Variants in ARHGAP24 observed in about 807,000 individuals in gnomAD.
ARHGAP24 encodes Rho GTPase activating protein 24.
A neutral mutation model predicts 76.4 loss-of-function variants in ARHGAP24; 50 were observed. The ratio of observed to expected loss-of-function variants is 0.65; its 90% CI spans 0.52 to 0.83. The LOEUF (loss-of-function observed/expected upper bound fraction) is 0.83, where lower values mean the gene tolerates loss of function less well. ARHGAP24 is among the 40% of genes least tolerant of loss of function. The probability of loss-of-function intolerance (pLI) is 0.00; values close to 1 mark genes in which losing one functional copy is unlikely to be tolerated. For synonymous variants in ARHGAP24, 345 were observed against 323.3 expected, an observed-to-expected ratio of 1.07 and a Z score of -0.72; for missense variants, 930 against 914.2, an observed-to-expected ratio of 1.02 and a Z score of -0.22.
At chr4:85,734,771 G>C (rs1051163423) in intron 3 of ARHGAP24, among the ~76,000 whole-genome samples, 1 of 150,926 alleles carries the variant, frequency 6.6e-6, no homozygotes, top group Non-Finnish European at 1.5e-5. Context: ...ATTTGGCTCT[G>C]ATCTCTGGGC....
rs147414110 is a variant in ARHGAP24, at chr4:85,928,333, G to A, written c.391+4563G>A. Among the ~76,000 whole-genome samples, 5 of 142,414 alleles carry A rather than the reference G, an allele frequency of 3.5e-5. No individual in the cohort carries two copies. The South Asian group carries it at 8.8e-4, about 25-fold the overall frequency. The allele number at this position is 142,414 out of a possible 152,430, so 93.4% of individuals were successfully genotyped here. A position where few individuals can be genotyped will look rare whatever the true frequency, so the allele number is the denominator to read the frequency against. On this transcript the variant is annotated intron_variant, in intron 4 of 9. Transcript: ENST00000395184. The stretch of plus-strand genomic sequence containing the variant: ...CCTCCTCCTTCCCTCCTTTCCTCCC[G>A]TCCTTCCTTGTGTATTTTTATACTG...
intron 3 of ARHGAP24, among the ~76,000 whole-genome samples, chr4:85,746,556 G>A (rs1726045766): frequency 6.6e-6 from 1 of 151,874 alleles, no homozygotes; most frequent in Admixed American, 6.6e-5. Flanking sequence ...TGATGTCCTT[G>A]GAGGCAGGGG....
At chr4:85,669,494 A>T (rs1273678341) in intron 2 of ARHGAP24, among the ~76,000 whole-genome samples, 1 of 151,746 alleles carries the variant, frequency 6.6e-6, no homozygotes, top group African/African-American at 2.4e-5. Context: ...AAGCGCTGTT[A>T]AAAAGAAGAA....
intron 1 of ARHGAP24, among the ~76,000 whole-genome samples, chr4:85,484,067 C>T (rs1722925675): frequency 6.6e-6 from 1 of 152,170 alleles, no homozygotes; most frequent in African/African-American, 2.4e-5. Context: ...GGATGCTGTC[C>T]AGTGTTTGTG....
At chr4:85,874,113 G>T (rs1051879891) in intron 3 of ARHGAP24, among the ~76,000 whole-genome samples, 17 of 152,096 alleles carry the variant, frequency 1.1e-4, no homozygotes, top group African/African-American at 3.9e-4. Flanking sequence ...CCAAAACCTA[G>T]AGCAGTTTAA....
At chr4:85,951,641 T>C (rs1022505274) in intron 5 of ARHGAP24, among the ~76,000 whole-genome samples, 1 of 152,216 alleles carries the variant, frequency 6.6e-6, no homozygotes, top group Non-Finnish European at 1.5e-5. Flanking sequence ...TTTGAATAGA[T>C]ATTAAGTTGT....
At chr4:85,691,245 T>G (rs1723644890) in intron 2 of ARHGAP24, among the ~76,000 whole-genome samples, 1 of 152,186 alleles carries the variant, frequency 6.6e-6, no homozygotes, top group African/African-American at 2.4e-5. Flanking sequence ...TAAAATGTAT[T>G]GAGACTTTCT....
chr4:85,718,448 T>C (rs1414432653), intron 2 of ARHGAP24, among the ~76,000 whole-genome samples: 2 of 152,076 alleles, frequency 1.3e-5, no homozygotes, highest in African/African-American at 4.8e-5. Context: ...TGGTTATCTG[T>C]AGTGGGTAAA....
chr4:85,671,542 G>C (rs1247742240), intron 2 of ARHGAP24, among the ~76,000 whole-genome samples: 1 of 152,168 alleles, frequency 6.6e-6, no homozygotes. Flanking sequence ...GTTTGTGGTT[G>C]AAGAAGACAG....
rs140903497 is a variant in ARHGAP24, at chr4:85,687,342, T to C, written c.181-34543T>C. 5.4e-3 allele frequency among the ~76,000 whole-genome samples: 824 copies of C among 152,252 alleles called. 7 individuals are homozygous for C. Among genetic ancestry groups the C allele is most frequent in the African/African-American group, 0.019 (779 of 41,528 alleles). ...TTTGCTCCATGGGTATATTACATGA[T>C]GCTGGGGTTTGAGGCATGGATCCTA... On this transcript the variant is annotated intron_variant, in intron 2 of 9. Coordinates refer to ENST00000395184, the MANE Select transcript of ARHGAP24 (RefSeq NM_001025616.3).
intron 2 of ARHGAP24, among the ~76,000 whole-genome samples, chr4:85,586,181 G>A (rs1440027097): frequency 6.6e-6 from 1 of 151,820 alleles, no homozygotes; most frequent in Non-Finnish European, 1.5e-5. Flanking sequence ...GCTATGGTGA[G>A]GCATTACATC....
chr4:85,740,146 G>A (rs929095270), intron 3 of ARHGAP24, among the ~76,000 whole-genome samples: 1 of 151,450 alleles, frequency 6.6e-6, no homozygotes, highest in African/African-American at 2.4e-5. Context: ...CTATTTAAAT[G>A]CTTTCTTCTC....
intron 2 of ARHGAP24, among the ~76,000 whole-genome samples, chr4:85,660,908 A>G (rs1722359143): frequency 6.6e-6 from 1 of 150,662 alleles, no homozygotes. Flanking sequence ...TGGTATTTTG[A>G]GACTTTCAGT....
rs533201793 is a variant in ARHGAP24 at position 85,565,338 on chromosome 4, C to T, written c.-20-5184C>T. ...GTGACAATTGGTTGTGACCAAATTTCTTCTCAAAGTCCCACAAATCTCTCA... is the reference window on the plus strand; with the variant it reads ...GTGACAATTGGTTGTGACCAAATTTTTTCTCAAAGTCCCACAAATCTCTCA... On this transcript the variant is annotated intron_variant, in intron 1 of 9. Transcript: ENST00000395184. Among the ~76,000 whole-genome samples the T allele has an allele frequency of 7.9e-5, 12 of 152,208 alleles. No individual in the cohort carries two copies. In the East Asian group the frequency reaches 2.1e-3, roughly 27 times the overall value.
chr4:85,733,413 G>A (rs1056153502), intron 3 of ARHGAP24, among the ~76,000 whole-genome samples: 10 of 152,170 alleles, frequency 6.6e-5, no homozygotes, highest in Non-Finnish European at 1.0e-4. Context: ...TTATGAAGGG[G>A]CACTGGTTTA....
intron 3 of ARHGAP24, among the ~76,000 whole-genome samples, chr4:85,836,419 T>C (rs1730295045): frequency 6.6e-6 from 1 of 152,200 alleles, no homozygotes; most frequent in South Asian, 2.1e-4. Flanking sequence ...GAAGGTCTGT[T>C]CTCGGTCTTT....
rs762766732 is a variant in ARHGAP24 at position 86,001,753 on chromosome 4, G to A, written c.*1031G>A. 2.8e-5 allele frequency: 7 copies of A among 245,644 alleles called. No individual in the cohort carries two copies. Among genetic ancestry groups the A allele is most frequent in the South Asian group, 1.8e-4 (1 of 5,642 alleles). 15.2% of individuals were successfully genotyped at this position (245,644 alleles called of 1,614,324 possible). Reference sequence around the variant, plus strand: ...GTGAAACTGCTAGAGTATATGTCACGTAGTGACATTTTTTTCTCACTCAGG... The same window carrying A: ...GTGAAACTGCTAGAGTATATGTCACATAGTGACATTTTTTTCTCACTCAGG... On this transcript the variant is annotated 3_prime_UTR_variant, in exon 10 of 10. Coordinates refer to ENST00000395184, the MANE Select transcript of ARHGAP24 (RefSeq NM_001025616.3).
Position 85,482,928 on chromosome 4 carries a change from T to TA in ARHGAP24, c.-21+7370dup, listed in dbSNP as rs1722873845. On this transcript the variant is annotated intron_variant, in intron 1 of 9. Coordinates refer to ENST00000395184, the MANE Select transcript of ARHGAP24 (RefSeq NM_001025616.3). ...CTCCAAGAGAGCAACCTTTAACTGT[T>TA]ATGCTCTGGAATTAGACCTACATTC... Among the ~76,000 whole-genome samples the TA allele has an allele frequency of 2.6e-5, 4 of 152,196 alleles. No homozygotes were observed. In the South Asian group the frequency reaches 8.3e-4, roughly 32 times the overall value.
chr4:85,678,426 A>G (rs2110007760), intron 2 of ARHGAP24, among the ~76,000 whole-genome samples: 1 of 152,334 alleles, frequency 6.6e-6, no homozygotes, highest in East Asian at 1.9e-4. Flanking sequence ...ATCAAAGTTC[A>G]ACACAATCAA....
Sources: gnomAD v4.1 joint callset for allele counts (sites outside exome capture counted in the v4.1 genomes callset) on GRCh38, gnomAD v4.1.1 for gene constraint, MANE v1.5 for transcripts, NCBI Gene and HGNC (gene_info 2026-07-23, HGNC 2026-07-21) for gene names.